Variants in AKAP17A observed in about 807,000 individuals in gnomAD.
The protein encoded by AKAP17A is A-kinase anchor protein 17A.
A neutral mutation model predicts 52.2 loss-of-function variants in AKAP17A; 15 were observed. The observed-to-expected ratio is 0.29, with a 90% CI of 0.19 to 0.44. AKAP17A has a LOEUF of 0.44. AKAP17A is among the 20% of genes least tolerant of loss of function. The pLI, the probability that AKAP17A is intolerant of heterozygous loss-of-function variation, is 1.00. For synonymous variants in AKAP17A, 514 were observed against 424.7 expected, an observed-to-expected ratio of 1.21 and a Z score of -2.58; for missense variants, 1,060 against 1,007.0, an observed-to-expected ratio of 1.05 and a Z score of -0.71.
rs761817742 is a variant in AKAP17A, at chrX:1,594,159, G to A, written c.697G>A (p.Ala233Thr). The A allele has an allele frequency of 2.5e-6, 4 of 1,602,282 alleles. No individual in the cohort carries two copies. The highest frequency in any genetic ancestry group is 1.1e-5 in the South Asian group (1 of 90,000). Residue 233 changes from alanine (A) to threonine (T), a missense_variant, in exon 2 of 5, where the codon GCC becomes ACC. Around this residue, in one of 2 missense-constraint regions of AKAP17A, gnomAD observed 267 missense variants for 377.1 expected, o/e 0.71. Transcript: ENST00000313871. ...EYMGFIQAMS[A>T]LRGMKLMYKG... The stretch of plus-strand genomic sequence containing the variant: ...CATGGGCTTCATCCAGGCCATGAGC[G>A]CCCTGCGCGGGATGAAACTCATGTA...
intron 1 of AKAP17A, among the ~76,000 whole-genome samples, chrX:1,592,802 G>T (rs1466267538): frequency 1.3e-5 from 2 of 152,200 alleles, no homozygotes; most frequent in Non-Finnish European, 2.9e-5. Flanking sequence ...GGAGAAAGAA[G>T]GCGCAGACGG....
In AKAP17A at chrX:1,601,003, C is replaced by T. The variant is rs754239467; in HGVS notation, c.1497C>T (p.Ser499=). ...CCCCGGCCGGTGCCCCCAAGGAGAG[C>T]CCGGCCCACCCAGAGGCCGACGGCG... is the stretch of plus-strand genomic sequence containing the variant. ...GQPPAGAPKE[S]PAHPEADGAP... The change falls in exon 5 of 5, where the codon AGC becomes AGT. Residue 499 remains serine, a synonymous_variant. Transcript: ENST00000313871. The T allele has an allele frequency of 2.1e-5, 34 of 1,605,238 alleles. No individual in the cohort carries two copies. The highest frequency in any genetic ancestry group is 2.0e-4 in the Middle Eastern group (1 of 5,068).
At chrX:1,600,516 C>T in intron 4 of AKAP17A, 143 bp from the exon 5 acceptor site, 1 of 878,346 alleles carries the variant, frequency 1.1e-6, no homozygotes, top group Non-Finnish European at 1.7e-6. Flanking sequence ...GGAGACGCCC[C>T]CCACCCCTGG....
chrX:1,600,628 G>T (rs372895856), intron 4 of AKAP17A, 31 bp from the exon 5 acceptor site: 173 of 1,501,398 alleles, frequency 1.2e-4, no homozygotes, highest in Non-Finnish European at 1.4e-4. Flanking sequence ...CTCAGGAACC[G>T]GGCTCAGCTG....
At chrX:1,600,066 T>C in intron 4 of AKAP17A, 1 of 963,056 alleles carries the variant, frequency 1.0e-6, no homozygotes, top group Non-Finnish European at 1.5e-6. Context: ...GGCACGCTCC[T>C]TGTCCTCAGG....
At chrX:1,599,590 A>T (rs1184502638) in intron 4 of AKAP17A, 158 bp downstream of exon 4, 1 of 1,030,752 alleles carries the variant, frequency 9.7e-7, no homozygotes, top group East Asian at 2.6e-5. Flanking sequence ...CCTTCCCGGG[A>T]GGGTGTAGCG....
intron 3 of AKAP17A, among the ~76,000 whole-genome samples, chrX:1,596,615 T>C (rs112478618): frequency 1.9e-5 from 2 of 105,156 alleles, no homozygotes; most frequent in African/African-American, 8.5e-5. Flanking sequence ...CCTAGTGAGG[T>C]GGATTCCTCC....
chrX:1,597,099 C>G (rs1340997444), intron 3 of AKAP17A, among the ~76,000 whole-genome samples: 5 of 152,194 alleles, frequency 3.3e-5, no homozygotes, highest in African/African-American at 9.7e-5. Context: ...CGTTTTGTTT[C>G]CATTTCTCAC....
chrX:1,593,734 C>G lies in AKAP17A; in HGVS notation c.272C>G (p.Ser91Cys). Residue 91 changes from serine to cysteine, a missense_variant, in exon 2 of 5, where the codon TCT (serine) becomes TGT (cysteine). Physicochemically the swap from Ser to Cys is moderately radical, Grantham distance 112. Transcript: ENST00000313871. ...GTGGAGAACAAGAGCCTGGTCAAGT[C>G]TTTTCTGGCCTGCCTGGACGGCAAG... ...GEVENKSLVK[S>C]FLACLDGKTI... The G allele has an allele frequency of 6.2e-7, 1 of 1,613,990 alleles. No individual in the cohort carries two copies. The highest frequency in any genetic ancestry group is 8.5e-7 in the Non-Finnish European group (1 of 1,179,874).
intron 3 of AKAP17A, among the ~76,000 whole-genome samples, chrX:1,598,119 G>A (rs756148167): frequency 7.2e-5 from 11 of 152,326 alleles, no homozygotes; most frequent in African/African-American, 1.4e-4. Context: ...GCCTCGAGGC[G>A]TCGCTGTGGG....
intron 3 of AKAP17A, among the ~76,000 whole-genome samples, chrX:1,598,542 G>C (rs1933151154): frequency 2.6e-5 from 4 of 152,122 alleles, no homozygotes; most frequent in African/African-American, 4.8e-5. Context: ...ATGCATTTGA[G>C]AGCTGCGGGG....
rs147652517 is a variant in AKAP17A, at chrX:1,593,888, G to C, written c.426G>C (p.Pro142=). The change falls in exon 2 of 5, where the codon CCG becomes CCC. Residue 142 remains proline (P), a synonymous_variant. Coordinates refer to ENST00000313871, the MANE Select transcript of AKAP17A (RefSeq NM_005088.3). ...CCAAGGACATGAACGAGACCCTGCC[G>C]GGGGAGCGGCCGGACACCATCCACC... ...RDAKDMNETL[P]GERPDTIHLE... is the part of the protein sequence containing the mutation. 6.2e-7 allele frequency: 1 copy of C among 1,612,166 alleles called. No individual in the cohort carries two copies. Among genetic ancestry groups the C allele is most frequent in the Admixed American group, 1.7e-5 (1 of 59,892 alleles).
chrX:1,599,773 G>A (rs376727997), intron 4 of AKAP17A: 15 of 606,426 alleles, frequency 2.5e-5, no homozygotes, highest in Admixed American at 5.9e-5. Flanking sequence ...CCTCTGGCCC[G>A]CGCCTCTGTG....
At chrX:1,598,949 G>T (rs1239323932) in intron 3 of AKAP17A, among the ~76,000 whole-genome samples, 3 of 152,194 alleles carry the variant, frequency 2.0e-5, no homozygotes, top group African/African-American at 7.2e-5. Context: ...TTTCTTCGTG[G>T]TTTCAGGGTT....
intron 4 of AKAP17A, chrX:1,599,796 G>C (rs1223165082): frequency 1.7e-6 from 1 of 602,598 alleles, no homozygotes; most frequent in African/African-American, 1.9e-5. Flanking sequence ...TGGTCAGCTG[G>C]CCTGGCTGTG....
intron 3 of AKAP17A, among the ~76,000 whole-genome samples, chrX:1,597,996 C>G (rs1298581169): frequency 6.6e-6 from 1 of 152,138 alleles, no homozygotes; most frequent in East Asian, 1.9e-4. Flanking sequence ...GAGGGGAGGC[C>G]CAGGGCAGCC....
At position 1,599,945 on chromosome X, in the gene AKAP17A, C is replaced by T. The variant is rs1234084577; in HGVS notation, c.1152+513C>T. The stretch of plus-strand genomic sequence containing the variant: ...TCTCACCAGCGCCGGTACTGACGAC[C>T]CCCTCAGCACCAAGAGCCTCCCTGC... On this transcript the variant is annotated intron_variant, in intron 4 of 4. Coordinates refer to ENST00000313871, the MANE Select transcript of AKAP17A (RefSeq NM_005088.3). The T allele has an allele frequency of 1.0e-3, 484 of 478,098 alleles. 2 individuals carry two copies. The highest frequency in any genetic ancestry group is 1.7e-3 in the Non-Finnish European group (451 of 259,424). 29.6% of individuals were successfully genotyped at this position (478,098 alleles called of 1,614,324 possible). A position where few individuals can be genotyped will look rare whatever the true frequency, so the allele number is the denominator to read the frequency against.
chrX:1,601,855 G>GTACTTGGCACTTCAGTTTCAAACAC lies in AKAP17A; in HGVS notation c.*261_*262insTACTTGGCACTTCAGTTTCAAACAC. On this transcript the variant is annotated 3_prime_UTR_variant, in exon 5 of 5. Coordinates refer to ENST00000313871, the MANE Select transcript of AKAP17A (RefSeq NM_005088.3). ...TTGATCCGATAGCTTTAATGCGGCCGGTCCTCTCTCAGTCAGGAAAATTGC... is the reference window on the plus strand; with the variant it reads ...TTGATCCGATAGCTTTAATGCGGCCGTACTTGGCACTTCAGTTTCAAACACGTCCTCTCTCAGTCAGGAAAATTGC... The GTACTTGGCACTTCAGTTTCAAACAC allele has an allele frequency of 2.5e-6, 1 of 394,366 alleles. No individual in the cohort carries two copies. The allele number at this position is 394,366 out of a possible 1,614,324, so 24.4% of individuals were successfully genotyped here.
intron 4 of AKAP17A, 113 bp from the exon 5 acceptor site, chrX:1,600,546 G>C: frequency 9.0e-7 from 1 of 1,112,972 alleles, no homozygotes; most frequent in South Asian, 1.6e-5. Flanking sequence ...CAGCCAGGCC[G>C]CTGATCCTGC....
Sources: allele counts gnomAD v4.1 joint callset (sites outside exome capture counted in the v4.1 genomes callset), GRCh38; gene constraint gnomAD v4.1.1; regional missense constraint gnomAD v4.1.1; transcripts MANE v1.5; gene names NCBI Gene and HGNC (gene_info 2026-07-23, HGNC 2026-07-21).